STRBP: variants seen among roughly 807,000 people sequenced by gnomAD.
The protein encoded by STRBP is spermatid perinuclear RNA-binding protein.
STRBP carries 13 observed loss-of-function variants against 80.1 expected under a neutral mutation model. That is an observed-to-expected ratio of 0.16 (90% CI 0.11 to 0.26). The LOEUF is 0.26. STRBP is among the 10% of genes least tolerant of loss of function. The pLI, the probability that STRBP is intolerant of heterozygous loss-of-function variation, is 1.00. For missense variants in STRBP, 485 were observed against 815.2 expected (o/e 0.59, Z 4.93); for synonymous variants, 284 against 291.2 (o/e 0.98, Z 0.25).
intron 6 of STRBP, among the ~76,000 whole-genome samples, chr9:123,168,556 C>T (rs535020148): frequency 8.3e-4 from 126 of 152,278 alleles, no homozygotes; most frequent in Non-Finnish European, 1.4e-3. Flanking sequence ...TTTTTCTCTA[C>T]CCTTATCACC....
intron 13 of STRBP, 85 bp from the exon 14 acceptor site, chr9:123,139,772 TCCATAGTGTTTGAA>T: frequency 7.1e-7 from 1 of 1,404,940 alleles, no homozygotes; most frequent in Admixed American, 2.0e-5. Context: ...AAGTTTCAAA[TCCATAGTGTTTGAA>T]CCATAAAACA....
chr9:123,228,079 G>C (rs7021257), intron 2 of STRBP, among the ~76,000 whole-genome samples: 1 of 152,022 alleles, frequency 6.6e-6, no homozygotes, highest in African/African-American at 2.4e-5. Context: ...CAGATTGGAT[G>C]TGGGATGTGA....
intron 13 of STRBP, among the ~76,000 whole-genome samples, chr9:123,145,849 ATAAG>A (rs1380773049): frequency 2.6e-5 from 4 of 152,206 alleles, no homozygotes; most frequent in Non-Finnish European, 2.9e-5. Flanking sequence ...AAGACAGAGC[ATAAG>A]TAATATATAG....
chr9:123,258,647 C>CA (rs1305327462), intron 1 of STRBP, among the ~76,000 whole-genome samples: 1 of 151,672 alleles, frequency 6.6e-6, no homozygotes, highest in African/African-American at 2.4e-5. Flanking sequence ...ATTAAAAATA[C>CA]AAAAAAATTA....
chr9:123,258,986 A>T (rs995730006), intron 1 of STRBP, among the ~76,000 whole-genome samples: 14 of 151,644 alleles, frequency 9.2e-5, no homozygotes, highest in African/African-American at 3.4e-4. Flanking sequence ...TGACCAGAGA[A>T]GACAAAATCT....
In STRBP at chr9:123,188,070, G is replaced by A. The variant is rs550888035; in HGVS notation, c.-164-3772C>T. The stretch of plus-strand genomic sequence containing the variant: ...CCTTAGTAACCACTAAGTTTTTTCA[G>A]TCTATAATTTTGCCTTTTCAAGAAT... On this transcript the variant is annotated intron_variant, in intron 2 of 18. Coordinates refer to ENST00000348403, the MANE Select transcript of STRBP (RefSeq NM_018387.5). Among the ~76,000 whole-genome samples the A allele has an allele frequency of 1.1e-4, 16 of 151,878 alleles. No individual in the cohort carries two copies. The South Asian group carries it at 3.3e-3, about 32-fold the overall frequency.
chr9:123,177,983 G>A (rs2038293990), intron 4 of STRBP, among the ~76,000 whole-genome samples: 1 of 152,082 alleles, frequency 6.6e-6, no homozygotes, highest in Admixed American at 6.6e-5. Context: ...CATCATATAT[G>A]AGAAAAATTA....
intron 2 of STRBP, among the ~76,000 whole-genome samples, chr9:123,211,698 G>A (rs910803855): frequency 4.6e-5 from 7 of 151,930 alleles, no homozygotes; most frequent in African/African-American, 1.2e-4. Flanking sequence ...AGGCCAAATC[G>A]GTTCAACTAT....
intron 11 of STRBP, among the ~76,000 whole-genome samples, chr9:123,155,409 C>T (rs1362808072): frequency 1.3e-5 from 2 of 151,898 alleles, no homozygotes; most frequent in African/African-American, 4.8e-5. Flanking sequence ...GTTGAGCAAC[C>T]CAGTACAGAC....
Position 123,115,871 on chromosome 9 carries a change from A to G in STRBP, c.*84+58T>C. On this transcript the variant is annotated intron_variant and NMD_transcript_variant, in intron 3 of 3. Transcript: ENST00000471564. This position sits in a 1 kb window ranked among gnomAD's most constrained non-coding sequence, Gnocchi z 5.0. ...CAAATTGCCCCACTGGCTTCCCATA[A>G]TTGTCTTTCACCCTTTGGAACCACA... 1 of 367,184 alleles carries G rather than the reference A, an allele frequency of 2.7e-6. No homozygotes were observed. Among genetic ancestry groups the G allele is most frequent in the East Asian group, 7.3e-5 (1 of 13,706 alleles). 22.7% of individuals were successfully genotyped at this position (367,184 alleles called of 1,614,324 possible). A position where few individuals can be genotyped will look rare whatever the true frequency, so the allele number is the denominator to read the frequency against.
chr9:123,125,520 A>G lies in STRBP; in HGVS notation c.*77T>C. On this transcript the variant is annotated 3_prime_UTR_variant, in exon 19 of 19. Transcript: ENST00000348403. ...GATCAAGTATGTGTTCAAAGAAAGC[A>G]GGATAAAAAGGCTTTTTCTCTAACA... 1 of 1,402,090 alleles carries G rather than the reference A, an allele frequency of 7.1e-7. No homozygotes were observed. The highest frequency in any genetic ancestry group is 9.3e-7 in the Non-Finnish European group (1 of 1,070,318). The allele number at this position is 1,402,090 out of a possible 1,614,324, so 86.9% of individuals were successfully genotyped here. A position where few individuals can be genotyped will look rare whatever the true frequency, so the allele number is the denominator to read the frequency against.
At chr9:123,258,526 A>G (rs570521884) in intron 1 of STRBP, among the ~76,000 whole-genome samples, 61 of 152,316 alleles carry the variant, frequency 4.0e-4, no homozygotes, top group South Asian at 1.7e-3. Context: ...CAAGAAGGCC[A>G]GGCGTGGTGG....
rs1390776158 is a variant in STRBP at position 123,110,256 on chromosome 9, G to C, written c.*85-503C>G. 1 of 152,718 alleles carries C rather than the reference G, an allele frequency of 6.5e-6. No homozygotes were observed. Among genetic ancestry groups the C allele is most frequent in the Non-Finnish European group, 1.5e-5 (1 of 68,090 alleles). The allele number at this position is 152,718 out of a possible 1,614,324, so 9.5% of individuals were successfully genotyped here. On this transcript the variant is annotated intron_variant and NMD_transcript_variant, in intron 3 of 3. Coordinates refer to the STRBP transcript ENST00000471564. This position sits in a 1 kb window ranked among gnomAD's most constrained non-coding sequence, Gnocchi z 4.1. The stretch of plus-strand genomic sequence containing the variant: ...ACTCCTGCAGGACCACTACACGGCG[G>C]GTAAACCAGGACACACAGGCATGGG...
Position 123,132,848 on chromosome 9 carries a change from G to C in STRBP, c.1894C>G (p.Pro632Ala). ...TCTCTTGCAGTTTGTACTATACCTG[G>C]AGCTATGTAGCCAGGAGCAGCTGTC... Reference protein sequence around the residue: ...GATAAPGYIAPGYGTPYGYST... With the variant: ...GATAAPGYIAAGYGTPYGYST... Residue 632 changes from proline (P) to alanine (A), a missense_variant, in exon 17 of 19, where the codon CCA becomes GCA. Transcript: ENST00000348403. The C allele has an allele frequency of 6.2e-7, 1 of 1,613,980 alleles. No homozygotes were observed. Among genetic ancestry groups the C allele is most frequent in the Middle Eastern group, 1.7e-4 (1 of 6,052 alleles).
chr9:123,187,892 T>G (rs963645634), intron 2 of STRBP, among the ~76,000 whole-genome samples: 23 of 152,120 alleles, frequency 1.5e-4, no homozygotes, highest in African/African-American at 4.8e-4. Context: ...TAGTTTACAT[T>G]AGGGTTCACT....
chr9:123,125,564 T>G lies in STRBP; in HGVS notation c.*33A>C. The G allele has an allele frequency of 1.9e-6, 3 of 1,608,754 alleles. No individual in the cohort carries two copies. The highest frequency in any genetic ancestry group is 2.5e-6 in the Non-Finnish European group (3 of 1,178,202). Reference sequence around the variant, plus strand: ...TCTAACATTCTGTGTTGTACTGTATTGTTGTTCAATAGGAATTAGCTTCTG... The same window carrying G: ...TCTAACATTCTGTGTTGTACTGTATGGTTGTTCAATAGGAATTAGCTTCTG... On this transcript the variant is annotated 3_prime_UTR_variant, in exon 19 of 19. Coordinates refer to ENST00000348403, the MANE Select transcript of STRBP (RefSeq NM_018387.5).
chr9:123,174,650 C>T (rs572290687), intron 4 of STRBP, among the ~76,000 whole-genome samples: 34 of 152,110 alleles, frequency 2.2e-4, no homozygotes, highest in Non-Finnish European at 3.5e-4. Flanking sequence ...TTCTAAAGTG[C>T]CTCCCTTTCT....
In STRBP at chr9:123,160,238, A is replaced by G. The variant is rs2037467120; in HGVS notation, c.723+129T>C. The G allele has an allele frequency of 1.2e-5, 6 of 521,704 alleles. No homozygotes were observed. In the East Asian group the frequency reaches 1.6e-4, roughly 14 times the overall value. 32.3% of individuals were successfully genotyped at this position (521,704 alleles called of 1,614,324 possible). On this transcript the variant is annotated intron_variant, in intron 8 of 18. Coordinates refer to ENST00000348403, the MANE Select transcript of STRBP (RefSeq NM_018387.5). ...TAAAAAGATGCTTTATTTTTTTTTC[A>G]TGGCAAACATACATAATGCATGCCT...
At chr9:123,154,538 A>G (rs939137641) in intron 11 of STRBP, among the ~76,000 whole-genome samples, 1 of 150,990 alleles carries the variant, frequency 6.6e-6, no homozygotes, top group African/African-American at 2.5e-5. Flanking sequence ...TTTCTTACCC[A>G]TGGCACTGGT....
Sources: allele counts gnomAD v4.1 joint callset (sites outside exome capture counted in the v4.1 genomes callset), GRCh38; gene constraint gnomAD v4.1.1; non-coding constraint Gnocchi (gnomAD v3.1); transcripts MANE v1.5; gene names NCBI Gene and HGNC (gene_info 2026-07-23, HGNC 2026-07-21).